Variants in GYG2 observed in about 807,000 individuals in gnomAD.
The protein encoded by GYG2 is glycogenin 2, also known as glycogenin-2.
Under a neutral mutation model 29.4 loss-of-function variants are expected in GYG2, and 29 were observed. The observed-to-expected ratio is 0.99, with a 90% confidence interval of 0.74 to 1.35. The LOEUF is 1.35. Among genes scored for constraint, GYG2 ranks in the 40% most tolerant of loss-of-function variants. GYG2 has a pLI of 0.00. For missense variants in GYG2, 370 were observed against 385.7 expected, an observed-to-expected ratio of 0.96 and a Z score of 0.34; for synonymous variants, 167 against 172.3, an observed-to-expected ratio of 0.97 and a Z score of 0.24.
chrX:2,850,300 A>G (rs954220944), intron 3 of GYG2, among the ~76,000 whole-genome samples: 2 of 111,909 alleles, frequency 1.8e-5, no homozygotes, highest in Non-Finnish European at 3.8e-5. Flanking sequence ...GAGAAGAAAG[A>G]ATGAGCATAT....
At position 2,882,297 on chromosome X, in the gene GYG2, A is replaced by T. The variant is rs2088734483; in HGVS notation, c.*1084A>T. 1 of 110,369 alleles carries T rather than the reference A, an allele frequency of 9.1e-6. No individual in the cohort carries two copies. The highest frequency in any genetic ancestry group is 1.9e-5 in the Non-Finnish European group (1 of 52,954). 9.1% of individuals were successfully genotyped at this position (110,369 alleles called of 1,213,427 possible). On this transcript the variant is annotated 3_prime_UTR_variant, in exon 11 of 11. Coordinates refer to ENST00000398806, the MANE Select transcript of GYG2 (RefSeq NM_001079855.2). ...AAGTGCGACTTTTGAAATGTTTGGA[A>T]GGTTTATTTCTCATGCACATTCCAG...
chrX:2,846,055 A>ATTTT (rs374480210), intron 3 of GYG2, among the ~76,000 whole-genome samples: 1 of 38,679 alleles, frequency 2.6e-5, no homozygotes, highest in African/African-American at 9.8e-5. Flanking sequence ...ATATATATAT[A>ATTTT]TTTTTTTTTT....
intron 8 of GYG2, among the ~76,000 whole-genome samples, chrX:2,865,921 G>A (rs1387134910): frequency 2.7e-5 from 3 of 111,288 alleles, no homozygotes; most frequent in Admixed American, 1.9e-4. Flanking sequence ...TATATTGAAG[G>A]GACATCTGCC....
At chrX:2,836,307 G>C (rs2087370929) in intron 2 of GYG2, among the ~76,000 whole-genome samples, 1 of 111,072 alleles carries the variant, frequency 9.0e-6, no homozygotes, top group Non-Finnish European at 1.9e-5. Context: ...GAATCTACAG[G>C]GTGGAGCAGA....
rs59937896 is a variant in GYG2 at position 2,876,033 on chromosome X, C to CTTTT, written c.1143+144_1143+147dup. On this transcript the variant is annotated intron_variant, in intron 9 of 10. Coordinates refer to ENST00000398806, the MANE Select transcript of GYG2 (RefSeq NM_001079855.2). Reference sequence around the variant, plus strand: ...GCCATAGGCTTTTAAAAATTCCTCCCTTTTTTTTTTTTTTTTTTTTTTTTT... The same window carrying CTTTT: ...GCCATAGGCTTTTAAAAATTCCTCCCTTTTTTTTTTTTTTTTTTTTTTTTTTTTT... 200 of 186,376 alleles carry CTTTT rather than the reference C, an allele frequency of 1.1e-3. 10 individuals are homozygous for CTTTT. Among genetic ancestry groups the CTTTT allele is most frequent in the African/African-American group, 7.2e-3 (109 of 15,119 alleles). The allele number at this position is 186,376 out of a possible 1,213,427, so 15.4% of individuals were successfully genotyped here.
intron 2 of GYG2, among the ~76,000 whole-genome samples, chrX:2,832,880 C>G (rs988346911): frequency 9.8e-5 from 11 of 112,147 alleles, no homozygotes; most frequent in African/African-American, 3.6e-4. Flanking sequence ...GATCAGAGCC[C>G]ACCCTAGTGA....
chrX:2,857,636 A>G (rs184892414), intron 6 of GYG2, among the ~76,000 whole-genome samples: 27 of 110,820 alleles, frequency 2.4e-4, no homozygotes, highest in African/African-American at 8.5e-4. Context: ...CTATCTATAT[A>G]TTAATACATA....
intron 2 of GYG2, among the ~76,000 whole-genome samples, chrX:2,837,157 G>A (rs2087391457): frequency 9.0e-6 from 1 of 111,070 alleles, no homozygotes; most frequent in South Asian, 3.9e-4. Context: ...GGAGACCTAG[G>A]AGGTGGGTAA....
chrX:2,848,318 C>T (rs2087788904), intron 3 of GYG2, among the ~76,000 whole-genome samples: 1 of 110,914 alleles, frequency 9.0e-6, no homozygotes, highest in African/African-American at 3.3e-5. Flanking sequence ...GTGGACGGAT[C>T]ACTTGAGGTC....
At chrX:2,877,622 C>T in intron 10 of GYG2, 1 of 753,887 alleles carries the variant, frequency 1.3e-6, no homozygotes, top group Non-Finnish European at 1.6e-6. Flanking sequence ...AATCCATTTT[C>T]TGAAATGAAG....
intron 8 of GYG2, among the ~76,000 whole-genome samples, chrX:2,864,326 G>A (rs1339556379): frequency 1.8e-5 from 2 of 110,999 alleles, no homozygotes; most frequent in African/African-American, 6.6e-5. Flanking sequence ...GGCAAGGCGG[G>A]ACAACTCAAA....
chrX:2,853,511 A>G (rs1380826522), intron 3 of GYG2: 1 of 112,413 alleles, frequency 8.9e-6, no homozygotes, highest in Non-Finnish European at 1.9e-5. Flanking sequence ...CAGGCCTTGC[A>G]TGACTTTAAA....
intron 7 of GYG2, among the ~76,000 whole-genome samples, chrX:2,861,026 G>A: frequency 1.8e-5 from 2 of 109,786 alleles, no homozygotes; most frequent in East Asian, 5.7e-4. Context: ...CACCAAGCCC[G>A]GCCTTTTTTT....
At chrX:2,839,139 C>A (rs2087442839) in intron 2 of GYG2, among the ~76,000 whole-genome samples, 1 of 112,243 alleles carries the variant, frequency 8.9e-6, no homozygotes, top group Admixed American at 9.5e-5. Context: ...TTGGGAATTC[C>A]ACTTCTGTGT....
Position 2,855,108 on chromosome X carries a change from C to T in GYG2, c.440C>T (p.Thr147Met), listed in dbSNP as rs772512411. Residue 147 changes from threonine (T) to methionine (M), a missense_variant, in exon 5 of 11, where the codon ACG becomes ATG. Coordinates refer to ENST00000398806, the MANE Select transcript of GYG2 (RefSeq NM_001079855.2). ...GVFVFQPSLHTHKLLLQHAME... is the reference protein window; with the variant it reads ...GVFVFQPSLHMHKLLLQHAME... ...TTTGTCTTCCAGCCTTCTCTCCACA[C>T]GCATAAACTCCTGCTACAGCACGCC... The T allele has an allele frequency of 1.4e-5, 17 of 1,209,741 alleles. No homozygotes were observed. Among genetic ancestry groups the T allele is most frequent in the Non-Finnish European group, 1.9e-5 (17 of 894,802 alleles).
chrX:2,830,641 C>T (rs1374280440), intron 2 of GYG2, among the ~76,000 whole-genome samples: 1 of 112,114 alleles, frequency 8.9e-6, no homozygotes, highest in Non-Finnish European at 1.9e-5. Context: ...ACAGGGATGG[C>T]CCGGCTTGGT....
intron 2 of GYG2, among the ~76,000 whole-genome samples, chrX:2,842,117 G>A (rs139456584): frequency 1.8e-5 from 2 of 111,852 alleles, no homozygotes; most frequent in Admixed American, 1.9e-4. Context: ...TGTAAGAAAT[G>A]GTCTGTCCAG....
At chrX:2,875,942 T>C (rs1289538958) in intron 9 of GYG2, 28 bp downstream of exon 9, 3 of 816,792 alleles carry the variant, frequency 3.7e-6, no homozygotes, top group Non-Finnish European at 3.7e-6. Context: ...GACCTACACA[T>C]GGCCAGCTCT....
chrX:2,879,982 T>C (rs1014498669), intron 10 of GYG2, among the ~76,000 whole-genome samples: 1 of 111,741 alleles, frequency 8.9e-6, no homozygotes, highest in African/African-American at 3.3e-5. Context: ...TGATAGATAA[T>C]AGATGGTTGG....
Sources: allele counts gnomAD v4.1 joint callset (sites outside exome capture counted in the v4.1 genomes callset), GRCh38; gene constraint gnomAD v4.1.1; transcripts MANE v1.5; gene names NCBI Gene and HGNC (gene_info 2026-07-23, HGNC 2026-07-21).